B4GALNT3: variants seen among roughly 807,000 people sequenced by gnomAD.
B4GALNT3 encodes the protein beta-1,4-N-acetylgalactosaminyltransferase 3.
B4GALNT3 carries 86 observed loss-of-function variants against 120.2 expected under a neutral mutation model. The observed-to-expected ratio is 0.72, with a 90% CI of 0.60 to 0.86. The LOEUF (loss-of-function observed/expected upper bound fraction) is 0.86, where lower values mean the gene tolerates loss of function less well. Ranked by LOEUF, B4GALNT3 falls within the 40% of genes least tolerant of loss-of-function variation. The probability of loss-of-function intolerance (pLI) is 0.00; values close to 1 mark genes in which losing one functional copy is unlikely to be tolerated. For synonymous variants in B4GALNT3, 518 were observed against 510.4 expected (o/e 1.01, Z -0.20); for missense variants, 1,167 against 1,298.9 (o/e 0.90, Z 1.56).
At chr12:512,704 GCCTTCCA>G (rs151030473) in intron 1 of B4GALNT3, among the ~76,000 whole-genome samples, 8,790 of 61,894 alleles carry the variant, frequency 0.14, 752 homozygotes, top group Non-Finnish European at 0.18. Flanking sequence ...TCCACCTTCC[GCCTTCCA>G]CCTTCCACCT....
chr12:460,203 G>A lies in B4GALNT3; in HGVS notation c.-174G>A, dbSNP rs1421505494. On this transcript the variant is annotated 5_prime_UTR_variant, in exon 1 of 20. Coordinates refer to ENST00000266383, the MANE Select transcript of B4GALNT3 (RefSeq NM_173593.4). This position sits in a 1 kb window ranked among gnomAD's most constrained non-coding sequence, Gnocchi z 8.0. ...CGCCCGCGCAGCCCGGAGACCCCTC[G>A]CGCCCGGAGCATGAGCCCGAGCCCC... Among the ~76,000 whole-genome samples, 1 of 150,358 alleles carries A rather than the reference G, an allele frequency of 6.7e-6. No individual in the cohort carries two copies. The highest frequency in any genetic ancestry group is 1.5e-5 in the Non-Finnish European group (1 of 67,218).
At chr12:516,871 A>C (rs1946662548) in intron 1 of B4GALNT3, among the ~76,000 whole-genome samples, 3 of 152,122 alleles carry the variant, frequency 2.0e-5, no homozygotes. Context: ...GGGAGAAGTC[A>C]TCAGATTTTG....
At chr12:492,177 G>A (rs1946348101) in intron 1 of B4GALNT3, among the ~76,000 whole-genome samples, 1 of 152,120 alleles carries the variant, frequency 6.6e-6, no homozygotes, top group Non-Finnish European at 1.5e-5. Flanking sequence ...GGTTGAGAAG[G>A]AAGAAATAAA....
At chr12:558,745 T>TG in intron 18 of B4GALNT3, 84 bp downstream of exon 18, 1 of 1,422,950 alleles carries the variant, frequency 7.0e-7, no homozygotes, top group Non-Finnish European at 9.5e-7. Context: ...GTCATATCTA[T>TG]GAGCGTCAGC....
chr12:546,096 G>A (rs2120700658), intron 6 of B4GALNT3, among the ~76,000 whole-genome samples: 1 of 145,460 alleles, frequency 6.9e-6, no homozygotes, highest in Non-Finnish European at 1.5e-5. Flanking sequence ...GGGGAGTTGT[G>A]GGAAAGTGGG....
intron 1 of B4GALNT3, among the ~76,000 whole-genome samples, chr12:478,283 T>A (rs931120937): frequency 1.3e-4 from 17 of 131,440 alleles, no homozygotes; most frequent in East Asian, 2.2e-4. Context: ...TTAGAGGAGG[T>A]AAAAAAAAAA....
At chr12:523,024 A>T (rs2120627247) in intron 1 of B4GALNT3, among the ~76,000 whole-genome samples, 1 of 152,154 alleles carries the variant, frequency 6.6e-6, no homozygotes, top group South Asian at 2.1e-4. Flanking sequence ...CCCCCTAAAA[A>T]TTAAATTTAA....
intron 1 of B4GALNT3, among the ~76,000 whole-genome samples, chr12:474,891 G>A (rs571195490): frequency 4.9e-4 from 50 of 102,300 alleles, no homozygotes; most frequent in Middle Eastern, 9.0e-3. Flanking sequence ...AGAGGTTGCA[G>A]TGAGCCAAGA....
chr12:498,673 G>A (rs1164816626), intron 1 of B4GALNT3, among the ~76,000 whole-genome samples: 1 of 152,188 alleles, frequency 6.6e-6, no homozygotes, highest in Non-Finnish European at 1.5e-5. Flanking sequence ...TATGTGGGGC[G>A]ACGCTAGCTG....
At chr12:495,019 G>C (rs372388466) in intron 1 of B4GALNT3, among the ~76,000 whole-genome samples, 2 of 152,100 alleles carry the variant, frequency 1.3e-5, no homozygotes, top group Non-Finnish European at 2.9e-5. Flanking sequence ...GCACAGTGCC[G>C]GCATTTTACT....
intron 1 of B4GALNT3, among the ~76,000 whole-genome samples, chr12:495,076 A>G (rs1279618092): frequency 6.6e-6 from 1 of 152,222 alleles, no homozygotes; most frequent in Admixed American, 6.5e-5. Context: ...TCCTGGCACA[A>G]TGGATGCACT....
intron 1 of B4GALNT3, among the ~76,000 whole-genome samples, chr12:483,760 A>G (rs553484398): frequency 6.6e-6 from 1 of 152,322 alleles, no homozygotes; most frequent in Admixed American, 6.5e-5. Context: ...AATCCTCACA[A>G]CGGACACTTT....
At chr12:546,062 T>G (rs1456470649) in intron 6 of B4GALNT3, among the ~76,000 whole-genome samples, 3 of 67,502 alleles carry the variant, frequency 4.4e-5, no homozygotes, top group African/African-American at 1.8e-4. Context: ...GAGTGAAGAG[T>G]GGGGAGGAGT....
intron 1 of B4GALNT3, among the ~76,000 whole-genome samples, chr12:461,412 G>A (rs886446291): frequency 6.6e-6 from 1 of 152,178 alleles, no homozygotes; most frequent in Non-Finnish European, 1.5e-5. Context: ...ATGGCTGTGC[G>A]AGGTGGTTTT....
At chr12:465,593 A>G (rs1279100119) in intron 1 of B4GALNT3, among the ~76,000 whole-genome samples, 2 of 151,928 alleles carry the variant, frequency 1.3e-5, no homozygotes, top group African/African-American at 4.8e-5. Flanking sequence ...ACAATAGGTG[A>G]CCTTACCCAT....
intron 1 of B4GALNT3, among the ~76,000 whole-genome samples, chr12:484,769 A>G (rs983903759): frequency 8.6e-5 from 13 of 150,702 alleles, no homozygotes; most frequent in African/African-American, 2.9e-4. Flanking sequence ...GGAAGGAGAC[A>G]ATGAAGTCTA....
intron 1 of B4GALNT3, among the ~76,000 whole-genome samples, chr12:532,311 A>T (rs1217728545): frequency 6.6e-6 from 1 of 152,168 alleles, no homozygotes; most frequent in Non-Finnish European, 1.5e-5. Context: ...CCTACCTGTA[A>T]TCCACTCACC....
In B4GALNT3 at chr12:552,520, A is replaced by T. The variant is rs1947097129; in HGVS notation, c.1262A>T (p.Glu421Val). ...KIDQPEKQGL[E>V]QPGFEENLLE... ...GACCAGCCTGAGAAGCAGGGGCTGG[A>T]GCAGCCAGGTACAGAGTGACAGCTG... Residue 421 changes from glutamate (E) to valine (V), a missense_variant, in exon 13 of 20, where the codon GAG becomes GTG. Glu to Val is a moderately radical substitution (Grantham distance 121). This residue lies in a region of B4GALNT3 where 983 missense variants were observed against 1,102.5 expected (regional missense o/e 0.89). Transcript: ENST00000266383. 1.2e-6 allele frequency: 2 copies of T among 1,613,598 alleles called. No homozygotes were observed. Among genetic ancestry groups the T allele is most frequent in the South Asian group, 2.2e-5 (2 of 91,090 alleles).
At chr12:470,642 G>T (rs1477382067) in intron 1 of B4GALNT3, among the ~76,000 whole-genome samples, 1 of 152,232 alleles carries the variant, frequency 6.6e-6, no homozygotes, top group African/African-American at 2.4e-5. Flanking sequence ...ATAGCAGAAG[G>T]CAGGGGACGT....
Sources: gnomAD v4.1 joint callset for allele counts (sites outside exome capture counted in the v4.1 genomes callset) on GRCh38, gnomAD v4.1.1 for gene constraint, gnomAD v4.1.1 regional missense constraint, Gnocchi (gnomAD v3.1) non-coding constraint, MANE v1.5 for transcripts, NCBI Gene and HGNC (gene_info 2026-07-23, HGNC 2026-07-21) for gene names.